The following TASL variants were observed in gnomAD, a reference collection of about 807,000 sequenced individuals.
TASL encodes TLR adaptor interacting with endolysosomal SLC15A4.
TASL carries 6 observed loss-of-function variants against 12.9 expected under a neutral mutation model. That is an observed-to-expected ratio of 0.46 (90% CI 0.25 to 0.92). TASL has a LOEUF of 0.92. Ranked by LOEUF, TASL falls within the 40% of genes least tolerant of loss-of-function variation. The pLI is 0.17. For synonymous variants in TASL, 85 were observed against 79.3 expected (o/e 1.07, Z -0.38); for missense variants, 165 against 212.8 (o/e 0.78, Z 1.40).
chrX:30,567,299 A>G (rs1422930530), intron 2 of TASL, among the ~76,000 whole-genome samples: 1 of 110,475 alleles, frequency 9.1e-6, no homozygotes, highest in African/African-American at 3.3e-5. Context: ...AAAAAGAAAG[A>G]AAGTTGTGTT....
chrX:30,562,304 A>T (rs188016899), intron 2 of TASL, among the ~76,000 whole-genome samples: 1 of 112,012 alleles, frequency 8.9e-6, no homozygotes, highest in African/African-American at 3.2e-5. Context: ...GGAGGGAAAA[A>T]GTATGTCTCC....
At position 30,559,867 on chromosome X, in the gene TASL, T is replaced by C; in HGVS notation, c.489A>G (p.Leu163=). ...GAGTAGAAATGGAATCCTCCATGGG[T>C]AAAGGAATCTCAGATGACTTCAGCA... ...GPLLKSSEIP[L]PMEDSISTQP... The change falls in exon 3 of 3, where the codon TTA becomes TTG. Residue 163 remains leucine, a synonymous_variant. Coordinates refer to ENST00000378962, the MANE Select transcript of TASL (RefSeq NM_025159.3). 4 of 1,211,231 alleles carry C rather than the reference T, an allele frequency of 3.3e-6. No homozygotes were observed. Among genetic ancestry groups the C allele is most frequent in the Non-Finnish European group, 4.5e-6 (4 of 895,313 alleles).
At chrX:30,569,150 C>T (rs1174650465) in intron 2 of TASL, among the ~76,000 whole-genome samples, 1 of 110,577 alleles carries the variant, frequency 9.0e-6, no homozygotes, top group South Asian at 3.8e-4. Flanking sequence ...CAATAAAGTG[C>T]AAAATTAATT....
chrX:30,573,251 T>C (rs1930656413), intron 2 of TASL, among the ~76,000 whole-genome samples: 1 of 112,488 alleles, frequency 8.9e-6, no homozygotes, highest in African/African-American at 3.2e-5. Context: ...TCTTAGAACA[T>C]ATCACACTAT....
intron 2 of TASL, among the ~76,000 whole-genome samples, chrX:30,562,007 C>T (rs974936318): frequency 2.7e-5 from 3 of 111,702 alleles, no homozygotes; most frequent in Admixed American, 9.5e-5. Context: ...AATGGGGATG[C>T]ACTTACTTCC....
intron 2 of TASL, among the ~76,000 whole-genome samples, chrX:30,571,756 A>G (rs1930630746): frequency 9.0e-6 from 1 of 111,184 alleles, no homozygotes. Context: ...GTTTATTTTG[A>G]CTGATTTTTG....
intron 2 of TASL, among the ~76,000 whole-genome samples, chrX:30,571,256 GAGAAAGAAAGAAAGAAAGAAAGAA>G (rs58163494): frequency 0.032 from 1,187 of 36,765 alleles, 15 homozygotes; most frequent in Non-Finnish European, 0.042. Context: ...GAGAAAGAAA[GAGAAAGAAAGAAAGAAAGAAAGAA>G]AGAAAGAAAG....
chrX:30,571,256 G>GAA (rs1179232270), intron 2 of TASL, among the ~76,000 whole-genome samples: 3,427 of 36,697 alleles, frequency 0.093, 641 homozygotes, highest in African/African-American at 0.17. Context: ...GAGAAAGAAA[G>GAA]AGAAAGAAAG....
chrX:30,576,397 G>T (rs142944330), intron 2 of TASL, among the ~76,000 whole-genome samples: 62 of 111,371 alleles, frequency 5.6e-4, no homozygotes, highest in Admixed American at 2.5e-3. Context: ...TACACATATA[G>T]AGAGAGAGAA....
Position 30,560,244 on chromosome X carries a change from C to G in TASL, c.112G>C (p.Val38Leu), listed in dbSNP as rs141385060. 181 of 1,208,665 alleles carry G rather than the reference C, an allele frequency of 1.5e-4. No individual in the cohort carries two copies. The highest frequency in any genetic ancestry group is 9.4e-5 in the Non-Finnish European group (84 of 894,295). The change falls in exon 3 of 3, where the codon GTT (valine) becomes CTT (leucine). Residue 38 changes from valine to leucine, a missense_variant. Val to Leu is a conservative substitution (Grantham distance 32, BLOSUM62 1). Transcript: ENST00000378962. ...AGEKEEETNS[V>L]ATLSYSSVDE... ...ACAGAGGAATAGGAAAGGGTAGCAACAGAATTTGTCTCCTCTTCCTTTTCC... is the reference window on the plus strand; with the variant it reads ...ACAGAGGAATAGGAAAGGGTAGCAAGAGAATTTGTCTCCTCTTCCTTTTCC...
intron 2 of TASL, among the ~76,000 whole-genome samples, chrX:30,573,246 G>A (rs750210724): frequency 8.9e-6 from 1 of 112,395 alleles, no homozygotes; most frequent in East Asian, 2.8e-4. Context: ...TCTGTTCTTA[G>A]AACATATCAC....
chrX:30,561,549 C>T (rs1348958638), intron 2 of TASL, among the ~76,000 whole-genome samples: 1 of 111,718 alleles, frequency 9.0e-6, no homozygotes, highest in Non-Finnish European at 1.9e-5. Flanking sequence ...CTTGTAATGT[C>T]AAATAAGAAA....
In TASL at chrX:30,560,317, C is replaced by A; in HGVS notation, c.39G>T (p.Trp13Cys). The A allele has an allele frequency of 8.3e-7, 1 of 1,201,241 alleles. No individual in the cohort carries two copies. The highest frequency in any genetic ancestry group is 1.1e-6 in the Non-Finnish European group (1 of 888,868). The change falls in exon 3 of 3, where the codon TGG (tryptophan) becomes TGT (cysteine). Residue 13 changes from tryptophan (W) to cysteine (C), a missense_variant. Trp to Cys is a radical substitution (Grantham distance 215). Coordinates refer to ENST00000378962, the MANE Select transcript of TASL (RefSeq NM_025159.3). ...SEGYLSGLEYWNDIHWSCASY... is the reference protein window; with the variant it reads ...SEGYLSGLEYCNDIHWSCASY... ...AGGCACAACTCCAGTGGATGTCATTCCAGTACTCAAGTCCACTGAGATACC... is the reference window on the plus strand; with the variant it reads ...AGGCACAACTCCAGTGGATGTCATTACAGTACTCAAGTCCACTGAGATACC...
intron 2 of TASL, among the ~76,000 whole-genome samples, chrX:30,575,006 T>A (rs191142757): frequency 2.6e-4 from 29 of 111,930 alleles, no homozygotes; most frequent in African/African-American, 8.7e-4. Context: ...TATTTTTTTT[T>A]AATTTTCCAA....
At position 30,559,346 on chromosome X, in the gene TASL, C is replaced by T. The variant is rs1930382846; in HGVS notation, c.*104G>A. 1.7e-6 allele frequency: 1 copy of T among 582,274 alleles called. No individual in the cohort carries two copies. Among genetic ancestry groups the T allele is most frequent in the South Asian group, 3.3e-5 (1 of 29,901 alleles). The allele number at this position is 582,274 out of a possible 1,213,427, so 48.0% of individuals were successfully genotyped here. ...TCCAGCTGATCTTTACTTCTCTAGC[C>T]CTTAATTCCCCTTCACTAACCCCTC... On this transcript the variant is annotated 3_prime_UTR_variant, in exon 3 of 3. Transcript: ENST00000378962.
At position 30,559,445 on chromosome X, in the gene TASL, C is replaced by T; in HGVS notation, c.*5G>A. 1.8e-6 allele frequency: 2 copies of T among 1,139,495 alleles called. No homozygotes were observed. The highest frequency in any genetic ancestry group is 2.3e-6 in the Non-Finnish European group (2 of 851,120). The allele number at this position is 1,139,495 out of a possible 1,213,427, so 93.9% of individuals were successfully genotyped here. A position where few individuals can be genotyped will look rare whatever the true frequency, so the allele number is the denominator to read the frequency against. ...AAATGCGAGACAGTAATGGAAGCAT[C>T]CTCTCTATGGATTTACATTGCTATA... is the stretch of plus-strand genomic sequence containing the variant. On this transcript the variant is annotated 3_prime_UTR_variant, in exon 3 of 3. Transcript: ENST00000378962.
At chrX:30,571,262 G>GAAAGAAAGAAAGAAAGAAAGAA (rs1569306054) in intron 2 of TASL, among the ~76,000 whole-genome samples, 1,606 of 27,178 alleles carry the variant, frequency 0.059, 158 homozygotes, top group East Asian at 0.22. Flanking sequence ...GAAAGAGAAA[G>GAAAGAAAGAAAGAAAGAAAGAA]AAAGAAAGAA....
chrX:30,565,998 T>C (rs2147084364), intron 2 of TASL, among the ~76,000 whole-genome samples: 1 of 109,666 alleles, frequency 9.1e-6, no homozygotes, highest in East Asian at 3.0e-4. Context: ...CTCGAACTCC[T>C]GACCTGAAGC....
At chrX:30,567,775 A>G (rs1387849902) in intron 2 of TASL, among the ~76,000 whole-genome samples, 2 of 112,037 alleles carry the variant, frequency 1.8e-5, no homozygotes, top group Non-Finnish European at 3.8e-5. Context: ...AAATGATGGT[A>G]AATATCAAGT....
Sources: gnomAD v4.1 joint callset for allele counts (sites outside exome capture counted in the v4.1 genomes callset) on GRCh38, gnomAD v4.1.1 for gene constraint, MANE v1.5 for transcripts, NCBI Gene and HGNC (gene_info 2026-07-23, HGNC 2026-07-21) for gene names.